Variants in PRKCZ observed in about 807,000 individuals in gnomAD.
The protein encoded by PRKCZ is protein kinase C zeta type.
Under a neutral mutation model 79.5 loss-of-function variants are expected in PRKCZ, and 33 were observed. The ratio of observed to expected loss-of-function variants is 0.41; its 90% CI spans 0.31 to 0.55. The LOEUF (loss-of-function observed/expected upper bound fraction) is 0.55. Among genes scored for constraint, PRKCZ ranks in the 20% least tolerant of loss-of-function variants. The pLI, the probability that PRKCZ is intolerant of heterozygous loss-of-function variation, is 0.19. For synonymous variants in PRKCZ, 342 were observed against 320.9 expected, an observed-to-expected ratio of 1.07 and a Z score of -0.70; for missense variants, 578 against 813.5, an observed-to-expected ratio of 0.71 and a Z score of 3.52.
At chr1:2,169,694 C>T (rs1184079823) in intron 11 of PRKCZ, 90 bp downstream of exon 11, 9 of 804,868 alleles carry the variant, frequency 1.1e-5, no homozygotes, top group Non-Finnish European at 1.5e-5. Flanking sequence ...TGGGTGCGCA[C>T]AGAGGGATGA....
At chr1:2,181,957 C>G in intron 16 of PRKCZ, 2 of 429,416 alleles carry the variant, frequency 4.7e-6, no homozygotes, top group Non-Finnish European at 9.5e-6. Context: ...CCCCTCCCTC[C>G]GGCTCCTCCC....
chr1:2,055,011 C>T (rs1055482170), intron 1 of PRKCZ, among the ~76,000 whole-genome samples: 52 of 151,022 alleles, frequency 3.4e-4, no homozygotes, highest in African/African-American at 1.1e-3. Flanking sequence ...GGCGCGATCT[C>T]GGCTCGCTGC....
intron 4 of PRKCZ, among the ~76,000 whole-genome samples, chr1:2,076,356 A>G (rs775122154): frequency 4.6e-5 from 7 of 152,200 alleles, no homozygotes; most frequent in African/African-American, 7.2e-5. Context: ...CAGGCTGGAC[A>G]GGCACCCTGA....
rs1432255251 is a variant in PRKCZ at position 2,058,004 on chromosome 1, A to T, written c.283+1431A>T. Among the ~76,000 whole-genome samples the T allele has an allele frequency of 2.0e-5, 3 of 152,298 alleles. No homozygotes were observed. The East Asian group carries it at 5.8e-4, about 29-fold the overall frequency. On this transcript the variant is annotated intron_variant, in intron 3 of 17. Coordinates refer to ENST00000378567, the MANE Select transcript of PRKCZ (RefSeq NM_002744.6). ...TGCCTCACCCTCCCAAGTAGCTGGG[A>T]CTACAGGCATGTGTCATCACGCCTG...
chr1:2,122,168 C>CATGGTGGTGGTTAGGGTCACG (rs1491307411), intron 4 of PRKCZ, among the ~76,000 whole-genome samples: 1 of 1,626 alleles, frequency 6.2e-4, no homozygotes, highest in Middle Eastern at 0.12. Context: ...TGGTTAGGGT[C>CATGGTGGTGGTTAGGGTCACG]GTGGTGGTTA....
intron 4 of PRKCZ, among the ~76,000 whole-genome samples, chr1:2,105,273 G>T (rs1395194940): frequency 6.6e-6 from 1 of 152,228 alleles, no homozygotes; most frequent in African/African-American, 2.4e-5. Context: ...GGGGGTGAGG[G>T]CCTGCAGGGT....
At chr1:2,119,308 G>A (rs1246017872) in intron 4 of PRKCZ, among the ~76,000 whole-genome samples, 1 of 147,834 alleles carries the variant, frequency 6.8e-6, no homozygotes, top group Admixed American at 6.9e-5. Context: ...TCCACCTCCT[G>A]GGTTCAAGTG....
chr1:2,169,510 C>T lies in PRKCZ; in HGVS notation c.975-8C>T, dbSNP rs1215581434. On this transcript the variant is annotated splice_polypyrimidine_tract_variant and splice_region_variant and intron_variant, in intron 10 of 17. Coordinates refer to ENST00000378567, the MANE Select transcript of PRKCZ (RefSeq NM_002744.6). ...TGACTGCAGCCTCCGGCGCCTCTCTCCCTGCAGGTTGTTCCTGGTCATTGA... is the reference window on the plus strand; with the variant it reads ...TGACTGCAGCCTCCGGCGCCTCTCTTCCTGCAGGTTGTTCCTGGTCATTGA... 1.5e-5 allele frequency: 24 copies of T among 1,549,112 alleles called. No individual in the cohort carries two copies. The highest frequency in any genetic ancestry group is 7.9e-5 in the Admixed American group (4 of 50,890).
intron 10 of PRKCZ, among the ~76,000 whole-genome samples, chr1:2,166,577 C>T (rs562839777): frequency 2.7e-3 from 410 of 152,146 alleles, no homozygotes; most frequent in Middle Eastern, 6.8e-3. Context: ...CACAACATGG[C>T]GAGTGTGGCT....
intron 10 of PRKCZ, among the ~76,000 whole-genome samples, chr1:2,160,837 A>G (rs929460459): frequency 3.9e-5 from 6 of 152,042 alleles, no homozygotes; most frequent in African/African-American, 1.4e-4. Flanking sequence ...GTGGCCTGGG[A>G]TGGAGACGCC....
At chr1:2,155,691 CAAT>C (rs1468729020) in intron 9 of PRKCZ, among the ~76,000 whole-genome samples, 1 of 140,100 alleles carries the variant, frequency 7.1e-6, no homozygotes, top group African/African-American at 2.8e-5. Flanking sequence ...GGGATGGTGA[CAAT>C]GATGACGGTA....
intron 4 of PRKCZ, among the ~76,000 whole-genome samples, chr1:2,077,382 A>T (rs1479650077): frequency 6.6e-6 from 1 of 152,186 alleles, no homozygotes; most frequent in Non-Finnish European, 1.5e-5. Context: ...GTGGGGACCC[A>T]GGTGCACTGG....
Position 2,173,768 on chromosome 1 carries a change from C to G in PRKCZ, c.1286-129C>G. 1 of 1,344,438 alleles carries G rather than the reference C, an allele frequency of 7.4e-7. No homozygotes were observed. The highest frequency in any genetic ancestry group is 9.9e-7 in the Non-Finnish European group (1 of 1,005,340). The allele number at this position is 1,344,438 out of a possible 1,614,324, so 83.3% of individuals were successfully genotyped here. A position where few individuals can be genotyped will look rare whatever the true frequency, so the allele number is the denominator to read the frequency against. On this transcript the variant is annotated intron_variant, in intron 13 of 17. Coordinates refer to ENST00000378567, the MANE Select transcript of PRKCZ (RefSeq NM_002744.6). This position sits in a 1 kb window ranked among gnomAD's most constrained non-coding sequence, Gnocchi z 5.7. ...GTTTGGGAAGTGGAAGTCACAGAGG[C>G]CTGTGTGCCGCCTGCTCAAGCCTGG...
At chr1:2,058,352 C>A (rs889480785) in intron 3 of PRKCZ, among the ~76,000 whole-genome samples, 9 of 148,356 alleles carry the variant, frequency 6.1e-5, no homozygotes, top group African/African-American at 2.3e-4. Context: ...TGGTGGTGCA[C>A]CTGTAGTCCC....
At position 2,101,969 on chromosome 1, in the gene PRKCZ, A is replaced by G. The variant is rs899319430; in HGVS notation, c.335-33293A>G. ...GGTAATGACAAGTCAGGAATGTCACAGAGGACTGTGTCTTCTGGGGGTCCT... is the reference window on the plus strand; with the variant it reads ...GGTAATGACAAGTCAGGAATGTCACGGAGGACTGTGTCTTCTGGGGGTCCT... On this transcript the variant is annotated intron_variant, in intron 4 of 17. Coordinates refer to ENST00000378567, the MANE Select transcript of PRKCZ (RefSeq NM_002744.6). Among the ~76,000 whole-genome samples the G allele has an allele frequency of 4.6e-5, 7 of 152,348 alleles. No homozygotes were observed. In the South Asian group the frequency reaches 1.4e-3, roughly 32 times the overall value.
At chr1:2,079,403 G>T (rs1048729425) in intron 4 of PRKCZ, among the ~76,000 whole-genome samples, 4 of 152,196 alleles carry the variant, frequency 2.6e-5, no homozygotes, top group African/African-American at 4.8e-5. Context: ...TCCCAGAATC[G>T]CACAGTTTGA....
rs542120700 is a variant in PRKCZ at position 2,185,333 on chromosome 1, C to G, written c.*324C>G. 101 of 718,780 alleles carry G rather than the reference C, an allele frequency of 1.4e-4. 2 individuals are homozygous for G. The South Asian group carries it at 1.4e-3, about 10-fold the overall frequency. The allele number at this position is 718,780 out of a possible 1,614,324, so 44.5% of individuals were successfully genotyped here. Reference sequence around the variant, plus strand: ...CGGAAACAGAACTCGATGCACTGACCTGCTCCGCCAGGAAAGTGAGCGTGT... The same window carrying G: ...CGGAAACAGAACTCGATGCACTGACGTGCTCCGCCAGGAAAGTGAGCGTGT... On this transcript the variant is annotated 3_prime_UTR_variant, in exon 18 of 18. Transcript: ENST00000378567.
At chr1:2,121,398 G>A (rs1276719083) in intron 4 of PRKCZ, among the ~76,000 whole-genome samples, 2 of 148,400 alleles carry the variant, frequency 1.3e-5, no homozygotes, top group Non-Finnish European at 3.0e-5. Flanking sequence ...TAACCCTCCA[G>A]TGTGATGGTG....
rs762771399 is a variant in PRKCZ, at chr1:2,148,859, CCT to C, written c.635-7_635-6del. On this transcript the variant is annotated splice_polypyrimidine_tract_variant and intron_variant, in intron 7 of 17. Transcript: ENST00000378567. ...ACACCGTAACGCCCCTTCCTTCCTC[CCT>C]CTCTCACCAGTTGCTTACATTTCCT... 6.2e-6 allele frequency: 10 copies of C among 1,613,588 alleles called. No homozygotes were observed.
Sources: allele counts gnomAD v4.1 joint callset (sites outside exome capture counted in the v4.1 genomes callset), GRCh38; gene constraint gnomAD v4.1.1; non-coding constraint Gnocchi (gnomAD v3.1); transcripts MANE v1.5; gene names NCBI Gene and HGNC (gene_info 2026-07-23, HGNC 2026-07-21).